CDK19: variants seen among roughly 807,000 people sequenced by gnomAD.
The protein encoded by CDK19 is cyclin-dependent kinase 19.
In CDK19, 20 loss-of-function variants were observed where a neutral mutation model predicts 68.3. The ratio of observed to expected loss-of-function variants is 0.29; its 90% confidence interval spans 0.21 to 0.43. The LOEUF is 0.43. CDK19 is among the 20% of genes least tolerant of loss of function. The pLI is 1.00. For synonymous variants in CDK19, 221 were observed against 222.8 expected (o/e 0.99, Z 0.07); for missense variants, 339 against 623.5 (o/e 0.54, Z 4.86).
chr6:110,692,436 GA>G (rs908147468), intron 2 of CDK19, among the ~76,000 whole-genome samples: 17 of 145,606 alleles, frequency 1.2e-4, no homozygotes, highest in East Asian at 2.0e-4. Flanking sequence ...ATCACAAAAG[GA>G]AAAAAAAAAG....
chr6:110,632,176 T>C lies in CDK19; in HGVS notation c.515-15A>G. 6.4e-7 allele frequency: 1 copy of C among 1,569,478 alleles called. No homozygotes were observed. On this transcript the variant is annotated splice_polypyrimidine_tract_variant and intron_variant, in intron 5 of 12. Coordinates refer to ENST00000368911, the MANE Select transcript of CDK19 (RefSeq NM_015076.5). ...ACCCATGTCAGCTAAAAAAATAAAA[T>C]AAATTAACATAAAATTCAGTTTGAT...
intron 4 of CDK19, among the ~76,000 whole-genome samples, chr6:110,643,978 ATTAAAAATTAAACTT>A (rs1020484547): frequency 1.3e-5 from 2 of 152,038 alleles, no homozygotes; most frequent in Non-Finnish European, 2.9e-5. Flanking sequence ...ATTAAACATT[ATTAAAAATTAAACTT>A]TTAAAAATTA....
intron 2 of CDK19, among the ~76,000 whole-genome samples, chr6:110,696,060 G>C (rs529555560): frequency 6.6e-6 from 1 of 152,186 alleles, no homozygotes; most frequent in South Asian, 2.1e-4. Context: ...GAAAACCACT[G>C]ACCAATATTC....
intron 4 of CDK19, among the ~76,000 whole-genome samples, chr6:110,643,484 TGGGAGCTAAAAA>T (rs1235956113): frequency 1.8e-4 from 27 of 152,328 alleles, no homozygotes; most frequent in Admixed American, 1.2e-3. Context: ...CACTTATTTG[TGGGAGCTAAAAA>T]TTAAAACAAT....
intron 2 of CDK19, among the ~76,000 whole-genome samples, chr6:110,686,227 T>C (rs937546297): frequency 3.3e-5 from 5 of 152,156 alleles, no homozygotes; most frequent in African/African-American, 1.2e-4. Flanking sequence ...GGTGAGGCTA[T>C]TAAGGAAAAA....
At chr6:110,662,786 G>A (rs1168387436) in intron 4 of CDK19, among the ~76,000 whole-genome samples, 3 of 151,982 alleles carry the variant, frequency 2.0e-5, no homozygotes, top group African/African-American at 7.3e-5. Flanking sequence ...TTTCTCCCTT[G>A]GTGTTTACAA....
chr6:110,786,718 A>G (rs1089646), intron 1 of CDK19, among the ~76,000 whole-genome samples: 42,844 of 151,078 alleles, frequency 0.28, 6,772 homozygotes, highest in East Asian at 0.67. Flanking sequence ...GGCTATGGGG[A>G]ATCACGGCAT....
At chr6:110,654,226 C>T (rs564159368) in intron 4 of CDK19, among the ~76,000 whole-genome samples, 7 of 152,324 alleles carry the variant, frequency 4.6e-5, no homozygotes, top group Admixed American at 2.6e-4. Flanking sequence ...CCTTTCTTTA[C>T]ACTGTTCTTC....
chr6:110,760,983 G>A (rs767570428), intron 1 of CDK19, among the ~76,000 whole-genome samples: 2 of 152,172 alleles, frequency 1.3e-5, no homozygotes, highest in African/African-American at 4.8e-5. Flanking sequence ...AAGACAGCAC[G>A]ATACATCTGA....
chr6:110,626,389 GTAC>G lies in CDK19; in HGVS notation c.860+384_860+386del, dbSNP rs1779090037. On this transcript the variant is annotated intron_variant, in intron 8 of 12. Coordinates refer to ENST00000368911, the MANE Select transcript of CDK19 (RefSeq NM_015076.5). ...ATTGAAATTACTACCTATAATTAATGTACACTATGGTTTGAATGTTTATGTCCC... is the reference window on the plus strand; with the variant it reads ...ATTGAAATTACTACCTATAATTAATGACTATGGTTTGAATGTTTATGTCCC... Among the ~76,000 whole-genome samples, 3 of 152,102 alleles carry G rather than the reference GTAC, an allele frequency of 2.0e-5. No homozygotes were observed. The South Asian group carries it at 6.2e-4, about 32-fold the overall frequency.
intron 2 of CDK19, among the ~76,000 whole-genome samples, chr6:110,723,156 A>AAC (rs1554212161): frequency 1.3e-5 from 2 of 151,080 alleles, no homozygotes; most frequent in Non-Finnish European, 1.5e-5. Flanking sequence ...AAAAACAAAA[A>AAC]AAAAAACGCA....
chr6:110,735,392 T>C (rs753084835), intron 2 of CDK19, among the ~76,000 whole-genome samples: 2 of 152,192 alleles, frequency 1.3e-5, no homozygotes, highest in African/African-American at 4.8e-5. Context: ...TCAAGTAAAT[T>C]CTTGCATTTA....
intron 4 of CDK19, chr6:110,645,688 A>C (rs527441803): frequency 2.6e-6 from 1 of 384,762 alleles, no homozygotes; most frequent in African/African-American, 2.1e-5. Context: ...TGTCCCCTCC[A>C]ATTTCCGAAC....
Position 110,631,651 on chromosome 6 carries a change from G to A in CDK19, c.646+379C>T, listed in dbSNP as rs563057368. 5.3e-5 allele frequency among the ~76,000 whole-genome samples: 8 copies of A among 152,274 alleles called. No homozygotes were observed. In the East Asian group the frequency reaches 1.4e-3, roughly 26 times the overall value. On this transcript the variant is annotated intron_variant, in intron 6 of 12. Coordinates refer to ENST00000368911, the MANE Select transcript of CDK19 (RefSeq NM_015076.5). ...ACTAACTTTTCCCCAAATAGAAGGG[G>A]TTCTTTCCAATACTGCACTACTCCT...
chr6:110,636,452 CA>C (rs1779782519), intron 5 of CDK19, among the ~76,000 whole-genome samples: 1 of 152,086 alleles, frequency 6.6e-6, no homozygotes, highest in Non-Finnish European at 1.5e-5. Context: ...AAAGTCACAG[CA>C]AAAGTGGGAG....
intron 2 of CDK19, among the ~76,000 whole-genome samples, chr6:110,692,921 C>T (rs572379704): frequency 2.6e-5 from 4 of 152,166 alleles, no homozygotes; most frequent in South Asian, 2.1e-4. Flanking sequence ...CACTTGAACC[C>T]GGGAGAAGGA....
chr6:110,638,606 A>C, intron 5 of CDK19, 43 bp downstream of exon 5: 1 of 948,330 alleles, frequency 1.1e-6, no homozygotes, highest in Non-Finnish European at 1.7e-6. Flanking sequence ...CTTTGCAGTT[A>C]ACTTCAGTTT....
chr6:110,725,019 T>C (rs796660713), intron 2 of CDK19, among the ~76,000 whole-genome samples: 9 of 152,220 alleles, frequency 5.9e-5, no homozygotes, highest in African/African-American at 1.9e-4. Context: ...ATACCTACTA[T>C]GTGAGCTCCA....
intron 2 of CDK19, among the ~76,000 whole-genome samples, chr6:110,718,374 G>C (rs905944564): frequency 3.9e-5 from 6 of 152,138 alleles, no homozygotes; most frequent in African/African-American, 1.4e-4. Flanking sequence ...GCAGAGTCCA[G>C]AGCCCTAGGA....
Sources: allele counts gnomAD v4.1 joint callset (sites outside exome capture counted in the v4.1 genomes callset), GRCh38; gene constraint gnomAD v4.1.1; transcripts MANE v1.5; gene names NCBI Gene and HGNC (gene_info 2026-07-23, HGNC 2026-07-21).